The following VPS13B variants were observed in gnomAD, a reference collection of about 807,000 sequenced individuals.
VPS13B encodes the protein intermembrane lipid transfer protein VPS13B.
VPS13B carries 285 observed loss-of-function variants against 426.4 expected under a neutral mutation model. That is an observed-to-expected ratio of 0.67 (90% CI 0.61 to 0.74). The LOEUF (loss-of-function observed/expected upper bound fraction) is 0.74, where lower values mean the gene tolerates loss of function less well. Ranked by LOEUF, VPS13B falls within the 30% of genes least tolerant of loss-of-function variation. VPS13B has a pLI of 0.00. For synonymous variants in VPS13B, 1,676 were observed against 1,676.4 expected (o/e 1.00, Z 0.01); for missense variants, 4,537 against 4,782.6 (o/e 0.95, Z 1.51).
chr8:99,871,531 A>C lies in VPS13B; in HGVS notation c.11579A>C (p.Glu3860Ala). 6.2e-7 allele frequency: 1 copy of C among 1,614,218 alleles called. No individual in the cohort carries two copies. The highest frequency in any genetic ancestry group is 8.5e-7 in the Non-Finnish European group (1 of 1,180,038). The stretch of plus-strand genomic sequence containing the variant: ...GTGAGGGGCTCAGGCCAGGAGCATG[A>C]AGGGTGCTTGCTGCTGACATCAGAA... ...VLVRGSGQEH[E>A]GCLLLTSEVL... is the part of the protein sequence containing the mutation. Residue 3860 changes from glutamate to alanine, a missense_variant, in exon 61 of 62, where the codon GAA becomes GCA. Transcript: ENST00000357162.
At chr8:99,066,806 G>GA (rs1023388802) in intron 3 of VPS13B, among the ~76,000 whole-genome samples, 1 of 152,026 alleles carries the variant, frequency 6.6e-6, no homozygotes, top group Admixed American at 6.6e-5. Flanking sequence ...AAATTTACAA[G>GA]AAAAAAACAA....
At chr8:99,687,448 G>A (rs1370742473) in intron 35 of VPS13B, among the ~76,000 whole-genome samples, 1 of 151,948 alleles carries the variant, frequency 6.6e-6, no homozygotes, top group East Asian at 1.9e-4. Flanking sequence ...CTGCCTTTCA[G>A]GTTTATTTAG....
intron 30 of VPS13B, among the ~76,000 whole-genome samples, chr8:99,524,543 A>G (rs559149320): frequency 2.0e-5 from 3 of 152,314 alleles, no homozygotes; most frequent in East Asian, 3.9e-4. Context: ...TGGGATCCCA[A>G]CCCTTTGGAA....
At position 99,577,676 on chromosome 8, in the gene VPS13B, C is replaced by A. The variant is rs772412517; in HGVS notation, c.5220+43C>A. Reference sequence around the variant, plus strand: ...TTGATCAGGCTTACTGCATTTGTTCCAACTTTACATTCACAGTAGGAAAAC... The same window carrying A: ...TTGATCAGGCTTACTGCATTTGTTCAAACTTTACATTCACAGTAGGAAAAC... On this transcript the variant is annotated intron_variant, in intron 33 of 61. Coordinates refer to ENST00000357162, the MANE Select transcript of VPS13B (RefSeq NM_152564.5). The A allele has an allele frequency of 3.1e-6, 5 of 1,609,462 alleles. No individual in the cohort carries two copies. In the Admixed American group the frequency reaches 8.3e-5, roughly 27 times the overall value.
intron 31 of VPS13B, among the ~76,000 whole-genome samples, chr8:99,562,291 G>A (rs1207295450): frequency 5.9e-5 from 7 of 117,914 alleles, no homozygotes; most frequent in African/African-American, 1.3e-4. Context: ...CCCACCCCAC[G>A]CTTTTTTGAG....
chr8:99,102,063 C>A (rs1846783130), intron 4 of VPS13B, among the ~76,000 whole-genome samples: 1 of 151,744 alleles, frequency 6.6e-6, no homozygotes, highest in East Asian at 1.9e-4. Context: ...AATAATGTAT[C>A]CATGTACACA....
chr8:99,381,668 T>G (rs566645331), intron 19 of VPS13B, among the ~76,000 whole-genome samples: 20 of 152,232 alleles, frequency 1.3e-4, no homozygotes, highest in African/African-American at 4.8e-4. Flanking sequence ...GATGTTGAGT[T>G]TTTTTTCATA....
chr8:99,507,147 G>T lies in VPS13B; in HGVS notation c.4168G>T (p.Gly1390Cys). Residue 1390 changes from glycine to cysteine, a missense_variant, in exon 28 of 62, where the codon GGT (glycine) becomes TGT (cysteine). Gly to Cys is a radical substitution (Grantham distance 159). Coordinates refer to ENST00000357162, the MANE Select transcript of VPS13B (RefSeq NM_152564.5). ...ACTTATGTTTTCCAGGCCAGGGGAA[G>T]GTTGGCAGTCAGGACATTTTGAAGG... is the stretch of plus-strand genomic sequence containing the variant. ...IDHYRSRPGE[G>C]WQSGHFEGVF... The T allele has an allele frequency of 6.2e-7, 1 of 1,613,982 alleles. No homozygotes were observed. The highest frequency in any genetic ancestry group is 8.5e-7 in the Non-Finnish European group (1 of 1,179,928).
chr8:99,718,353 A>G (rs994756084), intron 37 of VPS13B, among the ~76,000 whole-genome samples: 28 of 152,160 alleles, frequency 1.8e-4, no homozygotes, highest in African/African-American at 6.0e-4. Context: ...CAGTGTCACT[A>G]GCAATATATA....
chr8:99,431,518 T>A lies in VPS13B; in HGVS notation c.3083-19T>A, dbSNP rs544048511. The A allele has an allele frequency of 2.3e-5, 37 of 1,612,516 alleles. No individual in the cohort carries two copies. The Admixed American group carries it at 3.0e-4, about 13-fold the overall frequency. On this transcript the variant is annotated intron_variant, in intron 21 of 61. Transcript: ENST00000357162. ...GTAAGTTATGTTTCTATTAAATAAT[T>A]AGCTATTCTCGTACTCAGAATCCCG... is the stretch of plus-strand genomic sequence containing the variant.
chr8:99,307,775 A>G lies in VPS13B; in HGVS notation c.2824+32521A>G, dbSNP rs961038708. ...TTCATTTAGTTCTGCTCTGACTTTT[A>G]TTATTTCATGTCATCTCCTAATTTT... is the stretch of plus-strand genomic sequence containing the variant. On this transcript the variant is annotated intron_variant, in intron 19 of 61. Coordinates refer to ENST00000357162, the MANE Select transcript of VPS13B (RefSeq NM_152564.5). Among the ~76,000 whole-genome samples, 4 of 151,780 alleles carry G rather than the reference A, an allele frequency of 2.6e-5. No homozygotes were observed. The East Asian group carries it at 5.8e-4, about 22-fold the overall frequency.
intron 23 of VPS13B, among the ~76,000 whole-genome samples, chr8:99,454,168 A>G (rs1343385941): frequency 2.0e-5 from 3 of 152,012 alleles, no homozygotes; most frequent in Non-Finnish European, 2.9e-5. Context: ...TGCTTCTTCC[A>G]TGTCTTTCCA....
chr8:99,053,438 C>A (rs1440599956), intron 3 of VPS13B, among the ~76,000 whole-genome samples: 1 of 151,900 alleles, frequency 6.6e-6, no homozygotes, highest in African/African-American at 2.4e-5. Flanking sequence ...TGATGGTTTC[C>A]TGGTTCATCC....
chr8:99,380,031 TG>T (rs963065171), intron 19 of VPS13B, among the ~76,000 whole-genome samples: 1 of 152,142 alleles, frequency 6.6e-6, no homozygotes, highest in African/African-American at 2.4e-5. Context: ...TTTTTCATAT[TG>T]GGGGAAAATT....
At position 99,102,807 on chromosome 8, in the gene VPS13B, T is replaced by G. The variant is rs569400081; in HGVS notation, c.413-146T>G. On this transcript the variant is annotated intron_variant, in intron 4 of 61. Transcript: ENST00000357162. ...TACCTGTGTCACTTTGGCAAGCCTT[T>G]TAACCTATCTGAACTTCAGTTTCTC... 5 of 807,228 alleles carry G rather than the reference T, an allele frequency of 6.2e-6. No individual in the cohort carries two copies. In the South Asian group the frequency reaches 7.1e-5, roughly 11 times the overall value. 50.0% of individuals were successfully genotyped at this position (807,228 alleles called of 1,614,324 possible).
intron 33 of VPS13B, among the ~76,000 whole-genome samples, chr8:99,604,593 G>A (rs903269821): frequency 6.2e-5 from 9 of 144,220 alleles, no homozygotes; most frequent in African/African-American, 2.3e-4. Flanking sequence ...TCCGCCTCCC[G>A]GGTTCACGCC....
intron 51 of VPS13B, among the ~76,000 whole-genome samples, chr8:99,824,269 C>T (rs1180531203): frequency 6.6e-6 from 1 of 152,158 alleles, no homozygotes; most frequent in Non-Finnish European, 1.5e-5. Context: ...GCTCACTAGA[C>T]TCCTACAAGC....
intron 19 of VPS13B, among the ~76,000 whole-genome samples, chr8:99,302,911 A>G (rs1373805682): frequency 6.6e-6 from 1 of 152,156 alleles, no homozygotes; most frequent in African/African-American, 2.4e-5. Flanking sequence ...GAGTCAAAAA[A>G]TCCTAAGTTG....
intron 39 of VPS13B, among the ~76,000 whole-genome samples, chr8:99,753,795 T>A (rs1263448858): frequency 6.6e-6 from 1 of 152,104 alleles, no homozygotes; most frequent in African/African-American, 2.4e-5. Context: ...CAGGGGAAAA[T>A]AAAATCTGGA....
Sources: gnomAD v4.1 joint callset for allele counts (sites outside exome capture counted in the v4.1 genomes callset) on GRCh38, gnomAD v4.1.1 for gene constraint, MANE v1.5 for transcripts, NCBI Gene and HGNC (gene_info 2026-07-23, HGNC 2026-07-21) for gene names.